The following ZNF442 variants were observed in gnomAD, a reference collection of about 807,000 sequenced individuals.
ZNF442 encodes the protein zinc finger protein 442.
In ZNF442, 45 loss-of-function variants were observed where a neutral mutation model predicts 57.0. The observed-to-expected ratio is 0.79, with a 90% confidence interval of 0.62 to 1.01. The LOEUF is 1.01. Among genes scored for constraint, ZNF442 ranks in the 50% least tolerant of loss-of-function variants. ZNF442 has a pLI of 0.00. For synonymous variants in ZNF442, 213 were observed against 241.8 expected (o/e 0.88, Z 1.10); for missense variants, 690 against 756.5 (o/e 0.91, Z 1.03).
upstream of ZNF442, among the ~76,000 whole-genome samples, chr19:12,370,278 C>A (rs886100379): frequency 6.6e-6 from 1 of 151,680 alleles, no homozygotes; most frequent in Non-Finnish European, 1.5e-5. Context: ...CAACCTGGAT[C>A]CCTTGTGTGC....
upstream of ZNF442, among the ~76,000 whole-genome samples, chr19:12,367,906 G>A (rs1969551348): frequency 5.9e-5 from 9 of 152,084 alleles, no homozygotes. Context: ...CTGATATTGT[G>A]ATCCACCCGC....
upstream of ZNF442, among the ~76,000 whole-genome samples, chr19:12,370,341 A>G (rs1230562864): frequency 6.6e-6 from 1 of 152,014 alleles, no homozygotes; most frequent in Admixed American, 6.6e-5. Context: ...TGCCTCTGAT[A>G]TGACAGAAGG....
chr19:12,357,736 C>T (rs780563760), intron 3 of ZNF442, among the ~76,000 whole-genome samples: 9 of 151,976 alleles, frequency 5.9e-5, no homozygotes, highest in Non-Finnish European at 1.2e-4. Context: ...GTTGTTTGTA[C>T]ATATTCACGG....
upstream of ZNF442, among the ~76,000 whole-genome samples, chr19:12,369,324 T>C (rs1969562376): frequency 6.6e-6 from 1 of 152,218 alleles, no homozygotes; most frequent in African/African-American, 2.4e-5. Flanking sequence ...ATACCACACA[T>C]GTTCAAAAGG....
chr19:12,358,114 A>C (rs975616735), intron 3 of ZNF442, among the ~76,000 whole-genome samples: 4 of 151,846 alleles, frequency 2.6e-5, no homozygotes, highest in African/African-American at 9.7e-5. Flanking sequence ...GGCACCCACC[A>C]CCATGCCTGG....
chr19:12,367,297 A>T (rs980009630), upstream of ZNF442, among the ~76,000 whole-genome samples: 18 of 152,188 alleles, frequency 1.2e-4, no homozygotes, highest in Non-Finnish European at 2.4e-4. Context: ...GCAAGTTTTT[A>T]TTAGGGATTC....
chr19:12,346,172 T>G lies in ZNF442; in HGVS notation c.*3529A>C, dbSNP rs1969127967. 2.0e-5 allele frequency: 3 copies of G among 152,060 alleles called. No individual in the cohort carries two copies. The South Asian group carries it at 6.2e-4, about 31-fold the overall frequency. 9.4% of individuals were successfully genotyped at this position (152,060 alleles called of 1,614,324 possible). Reference sequence around the variant, plus strand: ...TTCCTACAACTCTCTTCCAAGCACTTGGGAGCTGAAAAAAGAAAGAAATTT... The same window carrying G: ...TTCCTACAACTCTCTTCCAAGCACTGGGGAGCTGAAAAAAGAAAGAAATTT... On this transcript the variant is annotated 3_prime_UTR_variant, in exon 6 of 6. Transcript: ENST00000242804.
rs966060727 is a variant in ZNF442 at position 12,348,884 on chromosome 19, G to C, written c.*817C>G. ...CATTAAATAAAAGCAATCTATGATT[G>C]TTGAAAAAAAAGAAACTGTAGATTA... On this transcript the variant is annotated 3_prime_UTR_variant, in exon 6 of 6. Transcript: ENST00000242804. The C allele has an allele frequency of 6.6e-6, 1 of 151,460 alleles. No homozygotes were observed. Among genetic ancestry groups the C allele is most frequent in the African/African-American group, 2.4e-5 (1 of 41,272 alleles). 9.4% of individuals were successfully genotyped at this position (151,460 alleles called of 1,614,324 possible).
At chr19:12,367,136 A>G (rs1044285013), upstream of ZNF442, among the ~76,000 whole-genome samples, 9 of 152,190 alleles carry the variant, frequency 5.9e-5, no homozygotes, top group African/African-American at 1.9e-4. Context: ...CCAGCCCCCA[A>G]TATTTCAACG....
intron 3 of ZNF442, among the ~76,000 whole-genome samples, chr19:12,358,427 T>C (rs1462591151): frequency 2.0e-5 from 3 of 152,240 alleles, no homozygotes; most frequent in South Asian, 2.1e-4. Flanking sequence ...CACCACGTTT[T>C]ATTTACCCAA....
chr19:12,351,557 G>A (rs941032474), intron 5 of ZNF442, among the ~76,000 whole-genome samples: 1 of 152,136 alleles, frequency 6.6e-6, no homozygotes, highest in African/African-American at 2.4e-5. Context: ...CCAGGCTGGA[G>A]TGCAGTGGCA....
intron 4 of ZNF442, 71 bp from the exon 5 acceptor site, chr19:12,352,141 A>G: frequency 6.9e-7 from 1 of 1,441,762 alleles, no homozygotes; most frequent in Non-Finnish European, 9.6e-7. Context: ...GATTTTATGT[A>G]CAATGGAATC....
At chr19:12,369,067 C>A (rs1969560599), upstream of ZNF442, among the ~76,000 whole-genome samples, 1 of 151,962 alleles carries the variant, frequency 6.6e-6, no homozygotes, top group South Asian at 2.1e-4. Context: ...AAACTGAGTT[C>A]TTTCTCTAGT....
At chr19:12,367,323 T>G (rs924804751), upstream of ZNF442, among the ~76,000 whole-genome samples, 5 of 151,584 alleles carry the variant, frequency 3.3e-5, no homozygotes, top group African/African-American at 1.2e-4. Flanking sequence ...GGGGAGGGGG[T>G]GTACGAACAG....
chr19:12,361,088 G>A (rs1048076305), intron 3 of ZNF442, among the ~76,000 whole-genome samples: 5 of 152,088 alleles, frequency 3.3e-5, no homozygotes, highest in Non-Finnish European at 5.9e-5. Flanking sequence ...CTACTCGGGA[G>A]GCTGAGGCAG....
upstream of ZNF442, among the ~76,000 whole-genome samples, chr19:12,368,898 C>T (rs1599597761): frequency 2.0e-5 from 3 of 152,134 alleles, no homozygotes; most frequent in South Asian, 6.2e-4. Context: ...GATGAGGGAG[C>T]TCAACTTGCC....
chr19:12,350,609 A>G lies in ZNF442; in HGVS notation c.976T>C (p.Cys326Arg). The change falls in exon 6 of 6, where the codon TGC becomes CGC. Residue 326 changes from cysteine to arginine, a missense_variant. Coordinates refer to ENST00000242804, the MANE Select transcript of ZNF442 (RefSeq NM_030824.3). ...CCCAGATGATGAAATGCTTTCCCGC[A>G]TTGCTTGCATTCATAGGGTTTCTCT... ...TGEKPYECKQ[C>R]GKAFHHLGSF... 1.2e-6 allele frequency: 2 copies of G among 1,613,364 alleles called. No homozygotes were observed. The highest frequency in any genetic ancestry group is 1.7e-6 in the Non-Finnish European group (2 of 1,179,794).
chr19:12,372,281 A>ACC, the ZNF442 span, among the ~76,000 whole-genome samples: 5 of 152,088 alleles, frequency 3.3e-5, no homozygotes, highest in Admixed American at 6.5e-5. Flanking sequence ...ACATGGTGAA[A>ACC]CCCCATCTCT....
At chr19:12,361,799 C>T (rs1044594314) in intron 3 of ZNF442, among the ~76,000 whole-genome samples, 1 of 151,750 alleles carries the variant, frequency 6.6e-6, no homozygotes, top group Non-Finnish European at 1.5e-5. Context: ...GCCGCCATCT[C>T]GGCTCACTGC....
Sources: gnomAD v4.1 joint callset for allele counts (sites outside exome capture counted in the v4.1 genomes callset) on GRCh38, gnomAD v4.1.1 for gene constraint, MANE v1.5 for transcripts, NCBI Gene and HGNC (gene_info 2026-07-23, HGNC 2026-07-21) for gene names.